Variants in PDSS2 observed in about 807,000 individuals in gnomAD.
PDSS2 encodes the protein decaprenyl diphosphate synthase subunit 2.
Under a neutral mutation model 44.5 loss-of-function variants are expected in PDSS2, and 31 were observed. The observed-to-expected ratio is 0.70, with a 90% confidence interval of 0.52 to 0.94. PDSS2 has a LOEUF of 0.94. Among genes scored for constraint, PDSS2 ranks in the 40% least tolerant of loss-of-function variants. The pLI is 0.00. For synonymous variants in PDSS2, 157 were observed against 180.3 expected, an observed-to-expected ratio of 0.87 and a Z score of 1.03; for missense variants, 452 against 482.2, an observed-to-expected ratio of 0.94 and a Z score of 0.59.
rs140358835 is a variant in PDSS2, at chr6:107,175,351, A to G, written c.1041+18471T>C. Among the ~76,000 whole-genome samples the G allele has an allele frequency of 9.4e-3, 1,425 of 152,322 alleles. 17 individuals carry two copies. Among genetic ancestry groups the G allele is most frequent in the African/African-American group, 0.032 (1,325 of 41,578 alleles). On this transcript the variant is annotated intron_variant, in intron 7 of 7. Coordinates refer to ENST00000369037, the MANE Select transcript of PDSS2 (RefSeq NM_020381.4). Reference sequence around the variant, plus strand: ...TTACAAAGGAACAAATTTAGGTAAGAGCAAGTTGTCCAAAGTAACACAGAT... The same window carrying G: ...TTACAAAGGAACAAATTTAGGTAAGGGCAAGTTGTCCAAAGTAACACAGAT...
At position 107,437,525 on chromosome 6, in the gene PDSS2, C is replaced by CAA. The variant is rs60133518; in HGVS notation, c.296+21463_296+21464dup. 7.7e-3 allele frequency among the ~76,000 whole-genome samples: 972 copies of CAA among 126,600 alleles called. 22 individuals are homozygous for CAA. The highest frequency in any genetic ancestry group is 0.028 in the African/African-American group (883 of 31,226). 83.1% of individuals were successfully genotyped at this position (126,600 alleles called of 152,430 possible). ...AGGAGACAGAGTGAGACCCTGTCTC[C>CAA]AAAAAAAAAAAAAAAAAAAAAAAAA... is the stretch of plus-strand genomic sequence containing the variant. On this transcript the variant is annotated intron_variant, in intron 1 of 7. Coordinates refer to ENST00000369037, the MANE Select transcript of PDSS2 (RefSeq NM_020381.4).
chr6:107,190,669 A>G (rs1278828887), intron 7 of PDSS2, among the ~76,000 whole-genome samples: 5 of 152,202 alleles, frequency 3.3e-5, no homozygotes, highest in Non-Finnish European at 5.9e-5. Flanking sequence ...TAAGCTTCAT[A>G]GGATGAGCAG....
At chr6:107,180,932 T>A (rs1004823106) in intron 7 of PDSS2, among the ~76,000 whole-genome samples, 2 of 152,080 alleles carry the variant, frequency 1.3e-5, no homozygotes, top group Non-Finnish European at 2.9e-5. Context: ...GCAACCTCCA[T>A]CTCCCGGATT....
intron 2 of PDSS2, among the ~76,000 whole-genome samples, chr6:107,312,387 G>A (rs758327498): frequency 1.1e-4 from 17 of 152,152 alleles, no homozygotes; most frequent in Non-Finnish European, 2.1e-4. Flanking sequence ...TGAACATGAG[G>A]AGAGATGACC....
chr6:107,340,232 C>T (rs549723935), intron 1 of PDSS2, among the ~76,000 whole-genome samples: 2 of 152,212 alleles, frequency 1.3e-5, no homozygotes, highest in Admixed American at 6.5e-5. Flanking sequence ...GTGGGGAGAT[C>T]TTGGCCTCCT....
chr6:107,291,073 G>C (rs1776329865), intron 2 of PDSS2, among the ~76,000 whole-genome samples: 1 of 151,300 alleles, frequency 6.6e-6, no homozygotes, highest in South Asian at 2.1e-4. Flanking sequence ...GTAAACCTGT[G>C]CCGGGTAAAA....
intron 7 of PDSS2, among the ~76,000 whole-genome samples, chr6:107,161,738 T>C (rs537706696): frequency 6.6e-6 from 1 of 152,296 alleles, no homozygotes; most frequent in South Asian, 2.1e-4. Context: ...GTGTTAAATA[T>C]TCACAGTTTG....
chr6:107,249,914 A>C (rs1221511335), intron 3 of PDSS2, among the ~76,000 whole-genome samples: 1 of 152,210 alleles, frequency 6.6e-6, no homozygotes, highest in South Asian at 2.1e-4. Flanking sequence ...AAAATTATAG[A>C]TCTGACATAA....
intron 2 of PDSS2, among the ~76,000 whole-genome samples, chr6:107,295,810 C>T (rs1015327397): frequency 2.0e-5 from 3 of 151,780 alleles, no homozygotes; most frequent in African/African-American, 7.3e-5. Context: ...TATGAAAAGC[C>T]AGAAGGGAGT....
At chr6:107,240,342 A>G (rs1480583490) in intron 4 of PDSS2, among the ~76,000 whole-genome samples, 2 of 151,344 alleles carry the variant, frequency 1.3e-5, no homozygotes, top group Non-Finnish European at 2.9e-5. Flanking sequence ...TCAAGGTTTC[A>G]GTGAGCTAGG....
intron 6 of PDSS2, among the ~76,000 whole-genome samples, chr6:107,198,456 AATC>A (rs1372433706): frequency 6.6e-6 from 1 of 152,190 alleles, no homozygotes; most frequent in Non-Finnish European, 1.5e-5. Context: ...AGCTCTATGA[AATC>A]ATTTTACTCT....
At chr6:107,368,266 CAAA>C (rs57434839) in intron 1 of PDSS2, among the ~76,000 whole-genome samples, 6 of 67,444 alleles carry the variant, frequency 8.9e-5, no homozygotes, top group African/African-American at 2.6e-4. Flanking sequence ...AGACTCGTCT[CAAA>C]AAAAAAAAAA....
intron 2 of PDSS2, among the ~76,000 whole-genome samples, chr6:107,279,529 A>G (rs1349963308): frequency 6.6e-6 from 1 of 152,216 alleles, no homozygotes; most frequent in Non-Finnish European, 1.5e-5. Flanking sequence ...TGCTTATTAC[A>G]TAAGACAATT....
chr6:107,404,954 A>G (rs1438801279), intron 1 of PDSS2, among the ~76,000 whole-genome samples: 2 of 152,226 alleles, frequency 1.3e-5, no homozygotes, highest in South Asian at 2.1e-4. Flanking sequence ...AATACATTGC[A>G]AGAAGGACCT....
rs530164510 is a variant in PDSS2, at chr6:107,442,335, C to T, written c.296+16655G>A. On this transcript the variant is annotated intron_variant, in intron 1 of 7. Transcript: ENST00000369037. ...GGGAGGCTGAGGCAGGAGAATCACTCGAATCCAGGAGGCAGAGGTCGCACT... is the reference window on the plus strand; with the variant it reads ...GGGAGGCTGAGGCAGGAGAATCACTTGAATCCAGGAGGCAGAGGTCGCACT... Among the ~76,000 whole-genome samples, 15 of 152,088 alleles carry T rather than the reference C, an allele frequency of 9.9e-5. No homozygotes were observed. In the East Asian group the frequency reaches 1.7e-3, roughly 18 times the overall value.
At chr6:107,282,785 C>T (rs1351061806) in intron 2 of PDSS2, among the ~76,000 whole-genome samples, 1 of 148,378 alleles carries the variant, frequency 6.7e-6, no homozygotes, top group Non-Finnish European at 1.5e-5. Flanking sequence ...AGGAGAATGG[C>T]GTGAACCTGG....
chr6:107,336,148 A>T (rs1172955278), intron 1 of PDSS2, among the ~76,000 whole-genome samples: 1 of 151,092 alleles, frequency 6.6e-6, no homozygotes, highest in Non-Finnish European at 1.5e-5. Context: ...TCAGCTACTC[A>T]GGGGGCTGAG....
chr6:107,252,620 TA>T (rs1400827309), intron 3 of PDSS2, among the ~76,000 whole-genome samples: 1 of 152,192 alleles, frequency 6.6e-6, no homozygotes. Flanking sequence ...TTCAGTGAAC[TA>T]AACAAAAGTA....
intron 1 of PDSS2, among the ~76,000 whole-genome samples, chr6:107,410,734 C>T (rs146444403): frequency 1.4e-4 from 22 of 152,136 alleles, no homozygotes; most frequent in African/African-American, 5.1e-4. Flanking sequence ...GTGATCTGCC[C>T]GCCTCAGCCT....
Sources: gnomAD v4.1 joint callset for allele counts (sites outside exome capture counted in the v4.1 genomes callset) on GRCh38, gnomAD v4.1.1 for gene constraint, MANE v1.5 for transcripts, NCBI Gene and HGNC (gene_info 2026-07-23, HGNC 2026-07-21) for gene names.